KIF16B: variants seen among roughly 807,000 people sequenced by gnomAD.
The protein encoded by KIF16B is kinesin family member 16B.
In KIF16B, 98 loss-of-function variants were observed where a neutral mutation model predicts 156.3. That is an observed-to-expected ratio of 0.63 (90% CI 0.53 to 0.74). KIF16B has a LOEUF of 0.74. Among genes scored for constraint, KIF16B ranks in the 30% least tolerant of loss-of-function variants. KIF16B has a pLI of 0.00. For synonymous variants in KIF16B, 564 were observed against 583.7 expected, an observed-to-expected ratio of 0.97 and a Z score of 0.49; for missense variants, 1,421 against 1,606.5, an observed-to-expected ratio of 0.88 and a Z score of 1.97.
In KIF16B at chr20:16,491,148, C is replaced by T. The variant is rs574739535; in HGVS notation, c.1302+3143G>A. Among the ~76,000 whole-genome samples, 6 of 152,124 alleles carry T rather than the reference C, an allele frequency of 3.9e-5. No individual in the cohort carries two copies. In the South Asian group the frequency reaches 8.3e-4, roughly 21 times the overall value. ...TTCAAGATGGATTTTGCTAGAGGAA[C>T]GGAAAGGGGACACATCCTGAATGAA... On this transcript the variant is annotated intron_variant, in intron 12 of 25. Coordinates refer to ENST00000354981, the MANE Select transcript of KIF16B (RefSeq NM_024704.5).
At chr20:16,501,976 T>C (rs1223025390) in intron 10 of KIF16B, among the ~76,000 whole-genome samples, 5 of 152,146 alleles carry the variant, frequency 3.3e-5, no homozygotes, top group Non-Finnish European at 7.4e-5. Flanking sequence ...ACTATACACA[T>C]ATAACTTGCA....
At chr20:16,467,041 A>G (rs1225508873) in intron 12 of KIF16B, among the ~76,000 whole-genome samples, 1 of 152,232 alleles carries the variant, frequency 6.6e-6, no homozygotes, top group Non-Finnish European at 1.5e-5. Context: ...ATGGCAGGGC[A>G]TTCTGTTCTT....
chr20:16,431,333 TC>T (rs1238893957), intron 12 of KIF16B, among the ~76,000 whole-genome samples: 1 of 152,144 alleles, frequency 6.6e-6, no homozygotes, highest in Non-Finnish European at 1.5e-5. Context: ...AAAGCCAAAG[TC>T]TTTGTGATGT....
chr20:16,548,839 G>T (rs1453061119), intron 1 of KIF16B, among the ~76,000 whole-genome samples: 1 of 152,158 alleles, frequency 6.6e-6, no homozygotes, highest in African/African-American at 2.4e-5. Flanking sequence ...TGCAGTAAGT[G>T]AGATGCAAGG....
intron 22 of KIF16B, among the ~76,000 whole-genome samples, chr20:16,358,005 T>A (rs1371063623): frequency 6.6e-6 from 1 of 152,072 alleles, no homozygotes; most frequent in East Asian, 1.9e-4. Context: ...CTGGCTAACA[T>A]GGTGCAGGCC....
rs541064244 is a variant in KIF16B, at chr20:16,545,370, A to T, written c.48-16930T>A. ...ACATGGCGACACCTCATCTCTATTTAAAAAAAAAAAAAGGCCAGGAGAGGT... is the reference window on the plus strand; with the variant it reads ...ACATGGCGACACCTCATCTCTATTTTAAAAAAAAAAAAGGCCAGGAGAGGT... On this transcript the variant is annotated intron_variant, in intron 1 of 25. Coordinates refer to ENST00000354981, the MANE Select transcript of KIF16B (RefSeq NM_024704.5). Among the ~76,000 whole-genome samples, 6 of 143,532 alleles carry T rather than the reference A, an allele frequency of 4.2e-5. 1 individual carries two copies. The East Asian group carries it at 1.2e-3, about 29-fold the overall frequency. The allele number at this position is 143,532 out of a possible 152,430, so 94.2% of individuals were successfully genotyped here.
chr20:16,477,580 T>A (rs1329285594), intron 12 of KIF16B, among the ~76,000 whole-genome samples: 2 of 152,170 alleles, frequency 1.3e-5, no homozygotes, highest in Non-Finnish European at 2.9e-5. Flanking sequence ...AATCATGTTA[T>A]TTAAGGGGGT....
At chr20:16,442,269 C>T (rs1568538531) in intron 12 of KIF16B, among the ~76,000 whole-genome samples, 1 of 151,866 alleles carries the variant, frequency 6.6e-6, no homozygotes, top group Non-Finnish European at 1.5e-5. Context: ...TAGGTGTTCT[C>T]ACCACAAAAT....
At chr20:16,570,771 C>A (rs993017664) in intron 1 of KIF16B, among the ~76,000 whole-genome samples, 1 of 152,160 alleles carries the variant, frequency 6.6e-6, no homozygotes, top group Non-Finnish European at 1.5e-5. Flanking sequence ...TTCTCCCTTT[C>A]CTGCCATGAC....
At position 16,313,176 on chromosome 20, in the gene KIF16B, G is replaced by A. The variant is rs191062002; in HGVS notation, c.3712-758C>T. ...GTTGCCTTGGCTGAATAAATGCTAA[G>A]TAGCAATAATTGCTGCAGTTGCAGA... is the stretch of plus-strand genomic sequence containing the variant. On this transcript the variant is annotated intron_variant, in intron 24 of 25. Coordinates refer to ENST00000354981, the MANE Select transcript of KIF16B (RefSeq NM_024704.5). Among the ~76,000 whole-genome samples the A allele has an allele frequency of 1.5e-3, 232 of 152,342 alleles. 2 individuals carry two copies. The highest frequency in any genetic ancestry group is 2.9e-3 in the Non-Finnish European group (194 of 68,036).
rs554935794 is a variant in KIF16B, at chr20:16,309,713, T to C, written c.3795+2622A>G. 4.6e-5 allele frequency among the ~76,000 whole-genome samples: 7 copies of C among 152,042 alleles called. No individual in the cohort carries two copies. The East Asian group carries it at 1.2e-3, about 25-fold the overall frequency. ...CTATATCATGGTGAGGTTCAGAAAG[T>C]TGCATTTCTGGATATTAATAATCAG... On this transcript the variant is annotated intron_variant, in intron 25 of 25. Coordinates refer to ENST00000354981, the MANE Select transcript of KIF16B (RefSeq NM_024704.5).
At chr20:16,283,316 C>G (rs546780927) in intron 25 of KIF16B, among the ~76,000 whole-genome samples, 1 of 152,376 alleles carries the variant, frequency 6.6e-6, no homozygotes, top group South Asian at 2.1e-4. Context: ...GTTTCACGCT[C>G]TGCCTGGTGG....
At chr20:16,571,876 G>A (rs533281528) in intron 1 of KIF16B, among the ~76,000 whole-genome samples, 5 of 152,124 alleles carry the variant, frequency 3.3e-5, no homozygotes, top group South Asian at 4.1e-4. Flanking sequence ...TGATCCGCCC[G>A]CCTCGGCCTC....
chr20:16,403,890 C>G (rs1043633983), intron 17 of KIF16B, among the ~76,000 whole-genome samples: 1 of 152,096 alleles, frequency 6.6e-6, no homozygotes, highest in African/African-American at 2.4e-5. Context: ...GGAACCAGTC[C>G]CCCAACTGCA....
chr20:16,397,906 T>G (rs1191407780), intron 17 of KIF16B, among the ~76,000 whole-genome samples: 2 of 152,236 alleles, frequency 1.3e-5, no homozygotes, highest in East Asian at 3.8e-4. Context: ...GCACATGTGC[T>G]GGCCAAAACC....
At chr20:16,341,725 G>A (rs2064142445) in intron 23 of KIF16B, among the ~76,000 whole-genome samples, 2 of 152,210 alleles carry the variant, frequency 1.3e-5, no homozygotes, top group South Asian at 4.1e-4. Flanking sequence ...ACTCTGGGCT[G>A]GGGCCCAGCA....
At chr20:16,528,300 T>G in intron 2 of KIF16B, 71 bp downstream of exon 2, 1 of 1,140,692 alleles carries the variant, frequency 8.8e-7, no homozygotes, top group East Asian at 2.3e-5. Flanking sequence ...CTTTATTTAC[T>G]CATTAGTCAT....
chr20:16,382,124 G>C (rs1568917003), intron 17 of KIF16B: 2 of 1,352,926 alleles, frequency 1.5e-6, no homozygotes, highest in East Asian at 4.6e-5. Context: ...CTTTTATAGG[G>C]AAAAGACTGC....
chr20:16,508,104 A>G lies in KIF16B; in HGVS notation c.557-4T>C. 1.2e-6 allele frequency: 2 copies of G among 1,613,702 alleles called. No individual in the cohort carries two copies. The highest frequency in any genetic ancestry group is 1.3e-5 in the African/African-American group (1 of 75,026). ...TGTACTAAATGTTTGGATAAATCTG[A>G]AAAAGAAAATGGAAGGGGTGAAGAA... On this transcript the variant is annotated splice_region_variant and splice_polypyrimidine_tract_variant and intron_variant, in intron 6 of 25. Coordinates refer to ENST00000354981, the MANE Select transcript of KIF16B (RefSeq NM_024704.5).
Sources: allele counts gnomAD v4.1 joint callset (sites outside exome capture counted in the v4.1 genomes callset), GRCh38; gene constraint gnomAD v4.1.1; transcripts MANE v1.5; gene names NCBI Gene and HGNC (gene_info 2026-07-23, HGNC 2026-07-21).